Variants in LRFN5 observed in about 807,000 individuals in gnomAD.
LRFN5 encodes the protein leucine rich repeat and fibronectin type III domain containing 5.
Under a neutral mutation model 45.6 loss-of-function variants are expected in LRFN5, and 24 were observed. The ratio of observed to expected loss-of-function variants is 0.53; its 90% CI spans 0.38 to 0.74. The LOEUF (loss-of-function observed/expected upper bound fraction) is 0.74. Among genes scored for constraint, LRFN5 ranks in the 30% least tolerant of loss-of-function variants. The pLI is 0.00. For synonymous variants in LRFN5, 340 were observed against 313.8 expected (o/e 1.08, Z -0.88); for missense variants, 776 against 861.5 (o/e 0.90, Z 1.24).
In LRFN5 at chr14:41,608,538, C is replaced by T. The variant is rs1372194375; in HGVS notation, c.-221C>T. 1 of 152,684 alleles carries T rather than the reference C, an allele frequency of 6.5e-6. No homozygotes were observed. The highest frequency in any genetic ancestry group is 1.5e-5 in the Non-Finnish European group (1 of 68,072). 9.5% of individuals were successfully genotyped at this position (152,684 alleles called of 1,614,324 possible). On this transcript the variant is annotated 5_prime_UTR_variant, in exon 1 of 6. Coordinates refer to ENST00000298119, the MANE Select transcript of LRFN5 (RefSeq NM_152447.5). ...CTGCAGGCAGAAAGTCTTCCTACGA[C>T]CGTCTTTTCCCTTAGAGGCACCAGG...
chr14:41,778,803 G>T (rs1886383028), intron 2 of LRFN5, among the ~76,000 whole-genome samples: 5 of 151,722 alleles, frequency 3.3e-5, no homozygotes, highest in Admixed American at 3.3e-4. Context: ...TTATTATAAA[G>T]TACATGTGAA....
intron 2 of LRFN5, among the ~76,000 whole-genome samples, chr14:41,792,106 T>C (rs1308863677): frequency 2.0e-5 from 3 of 151,982 alleles, no homozygotes; most frequent in Non-Finnish European, 4.4e-5. Flanking sequence ...CTGCCGGGGG[T>C]GACATCACAT....
intron 1 of LRFN5, among the ~76,000 whole-genome samples, chr14:41,662,102 A>G (rs746061821): frequency 1.5e-4 from 23 of 152,004 alleles, no homozygotes; most frequent in Non-Finnish European, 2.8e-4. Context: ...TTATGAACTC[A>G]CAGATAACAG....
At chr14:41,819,373 A>T (rs1265276032) in intron 2 of LRFN5, among the ~76,000 whole-genome samples, 1 of 152,140 alleles carries the variant, frequency 6.6e-6, no homozygotes, top group African/African-American at 2.4e-5. Flanking sequence ...TTACATTCAT[A>T]TTAACATCTA....
Position 41,846,791 on chromosome 14 carries a change from A to G in LRFN5, c.-20-39815A>G, listed in dbSNP as rs191417074. On this transcript the variant is annotated intron_variant, in intron 2 of 5. Coordinates refer to ENST00000298119, the MANE Select transcript of LRFN5 (RefSeq NM_152447.5). The stretch of plus-strand genomic sequence containing the variant: ...TTTATTCTGATTGTTGGTAAGAATC[A>G]ACTTATTGAGGTTGTAAGGACTGTG... Among the ~76,000 whole-genome samples the G allele has an allele frequency of 5.3e-5, 8 of 152,260 alleles. No homozygotes were observed. The East Asian group carries it at 1.4e-3, about 26-fold the overall frequency.
chr14:41,811,235 C>T (rs979958125), intron 2 of LRFN5, among the ~76,000 whole-genome samples: 1 of 151,948 alleles, frequency 6.6e-6, no homozygotes, highest in Non-Finnish European at 1.5e-5. Flanking sequence ...ATTTCTCATC[C>T]TCTAAGATGA....
chr14:41,770,670 T>G (rs1418816691), intron 2 of LRFN5, among the ~76,000 whole-genome samples: 2 of 152,204 alleles, frequency 1.3e-5, no homozygotes, highest in African/African-American at 4.8e-5. Flanking sequence ...GCCCTGTGCC[T>G]GTGGCTTTGC....
rs569593651 is a variant in LRFN5 at position 41,721,798 on chromosome 14, A to AT, written c.-196-45050dup. Reference sequence around the variant, plus strand: ...GTCTTTTTCTCAAGCTACCTTTTAGATTTTTTCTTCAGGGTTAGCCATGGA... The same window carrying AT: ...GTCTTTTTCTCAAGCTACCTTTTAGATTTTTTTCTTCAGGGTTAGCCATGGA... On this transcript the variant is annotated intron_variant, in intron 1 of 5. Coordinates refer to ENST00000298119, the MANE Select transcript of LRFN5 (RefSeq NM_152447.5). Among the ~76,000 whole-genome samples, 24 of 151,714 alleles carry AT rather than the reference A, an allele frequency of 1.6e-4. 2 individuals carry two copies. The South Asian group carries it at 3.3e-3, about 21-fold the overall frequency.
At chr14:41,694,969 T>C (rs770535621) in intron 1 of LRFN5, among the ~76,000 whole-genome samples, 3 of 151,988 alleles carry the variant, frequency 2.0e-5, no homozygotes, top group African/African-American at 4.8e-5. Context: ...AAAGCTGAGA[T>C]AGGCCAAGAG....
chr14:41,830,049 A>G (rs1888428857), intron 2 of LRFN5, among the ~76,000 whole-genome samples: 3 of 151,046 alleles, frequency 2.0e-5, no homozygotes. Flanking sequence ...TTTTGGCTTT[A>G]TTTATCTTAT....
chr14:41,788,850 C>T (rs1307173511), intron 2 of LRFN5, among the ~76,000 whole-genome samples: 1 of 151,936 alleles, frequency 6.6e-6, no homozygotes, highest in Non-Finnish European at 1.5e-5. Context: ...TAGGTACTTC[C>T]CATGTGCGTG....
chr14:41,637,618 C>T (rs1879366102), intron 1 of LRFN5, among the ~76,000 whole-genome samples: 1 of 152,120 alleles, frequency 6.6e-6, no homozygotes, highest in Non-Finnish European at 1.5e-5. Context: ...GCCCAGAACT[C>T]ATTGGGTGGA....
intron 1 of LRFN5, among the ~76,000 whole-genome samples, chr14:41,633,591 A>C (rs1295915951): frequency 6.6e-6 from 1 of 152,138 alleles, no homozygotes; most frequent in African/African-American, 2.4e-5. Context: ...TTTTGTCTAA[A>C]TAGAAGTTTT....
chr14:41,820,170 T>C (rs1888065237), intron 2 of LRFN5, among the ~76,000 whole-genome samples: 2 of 150,664 alleles, frequency 1.3e-5, no homozygotes, highest in Admixed American at 6.7e-5. Flanking sequence ...TTTTGAGGTC[T>C]TAGTCATAAA....
intron 1 of LRFN5, among the ~76,000 whole-genome samples, chr14:41,642,078 C>T (rs1430540946): frequency 6.6e-6 from 1 of 152,076 alleles, no homozygotes; most frequent in Non-Finnish European, 1.5e-5. Flanking sequence ...TTATGAAAAA[C>T]ACATGTAAGA....
At chr14:41,777,291 A>G (rs939351595) in intron 2 of LRFN5, among the ~76,000 whole-genome samples, 1 of 151,612 alleles carries the variant, frequency 6.6e-6, no homozygotes, top group African/African-American at 2.4e-5. Context: ...GAGTAGAAAT[A>G]TTTTATTTTA....
At chr14:41,638,894 G>A (rs566500163) in intron 1 of LRFN5, among the ~76,000 whole-genome samples, 6 of 152,086 alleles carry the variant, frequency 3.9e-5, no homozygotes, top group Admixed American at 2.6e-4. Flanking sequence ...CAGTGGACAT[G>A]TTTCAATTAT....
chr14:41,757,182 C>G (rs1263585837), intron 1 of LRFN5, among the ~76,000 whole-genome samples: 2 of 152,168 alleles, frequency 1.3e-5, no homozygotes, highest in Non-Finnish European at 2.9e-5. Flanking sequence ...GGGGTGCCTC[C>G]CAGTTAGGCT....
intron 2 of LRFN5, among the ~76,000 whole-genome samples, chr14:41,828,622 T>C (rs59618196): frequency 0.51 from 77,225 of 151,680 alleles, 20,374 homozygotes; most frequent in African/African-American, 0.58. Context: ...ACTGTCCATT[T>C]GTTTACCTAT....
Sources: allele counts gnomAD v4.1 joint callset (sites outside exome capture counted in the v4.1 genomes callset), GRCh38; gene constraint gnomAD v4.1.1; transcripts MANE v1.5; gene names NCBI Gene and HGNC (gene_info 2026-07-23, HGNC 2026-07-21).